The following IGF1R variants were observed in gnomAD, a reference collection of about 807,000 sequenced individuals.
The protein encoded by IGF1R is insulin like growth factor 1 receptor, also known as insulin-like growth factor 1 receptor.
IGF1R carries 44 observed loss-of-function variants against 144.6 expected under a neutral mutation model. The observed-to-expected ratio is 0.30, with a 90% confidence interval of 0.24 to 0.39. The LOEUF (loss-of-function observed/expected upper bound fraction) is 0.39, where lower values mean the gene tolerates loss of function less well. Among genes scored for constraint, IGF1R ranks in the 10% least tolerant of loss-of-function variants. The pLI, the probability that IGF1R is intolerant of heterozygous loss-of-function variation, is 1.00. For synonymous variants in IGF1R, 795 were observed against 722.8 expected, an observed-to-expected ratio of 1.10 and a Z score of -1.60; for missense variants, 1,355 against 1,833.7, an observed-to-expected ratio of 0.74 and a Z score of 4.77.
chr15:98,892,778 G>T (rs760794122), intron 3 of IGF1R, among the ~76,000 whole-genome samples: 1 of 152,104 alleles, frequency 6.6e-6, no homozygotes, highest in Non-Finnish European at 1.5e-5. Flanking sequence ...CACTTTGGGA[G>T]GCCAAGGTGG....
chr15:98,780,776 A>C lies in IGF1R; in HGVS notation c.640+72669A>C, dbSNP rs1310976487. ...GTTTAGATAGATAAGTGAATTGCTT[A>C]ATGTTTTTGGAAGTAATAAAACTGC... On this transcript the variant is annotated intron_variant, in intron 2 of 20. Transcript: ENST00000650285. Among the ~76,000 whole-genome samples the C allele has an allele frequency of 3.3e-5, 5 of 152,290 alleles. No individual in the cohort carries two copies. The East Asian group carries it at 9.6e-4, about 29-fold the overall frequency.
At chr15:98,892,331 C>T (rs1218548058) in intron 3 of IGF1R, among the ~76,000 whole-genome samples, 1 of 151,986 alleles carries the variant, frequency 6.6e-6, no homozygotes, top group Non-Finnish European at 1.5e-5. Flanking sequence ...GTGCTTGGAT[C>T]ACTTGAGGTC....
intron 2 of IGF1R, among the ~76,000 whole-genome samples, chr15:98,805,781 T>G (rs1308677731): frequency 1.3e-5 from 2 of 152,244 alleles, no homozygotes; most frequent in Non-Finnish European, 2.9e-5. Flanking sequence ...CATAAAGGAC[T>G]CTGAACTGTT....
At chr15:98,837,278 C>G (rs948940235) in intron 2 of IGF1R, among the ~76,000 whole-genome samples, 4 of 151,996 alleles carry the variant, frequency 2.6e-5, no homozygotes, top group African/African-American at 4.8e-5. Context: ...CTCGCTCAGT[C>G]GCCAGACTGG....
rs544417312 is a variant in IGF1R, at chr15:98,833,674, A to G, written c.641-57651A>G. 3.3e-5 allele frequency among the ~76,000 whole-genome samples: 5 copies of G among 152,242 alleles called. No individual in the cohort carries two copies. The East Asian group carries it at 7.7e-4, about 23-fold the overall frequency. ...TTAGGAAATGTCATGTAATAATAAC[A>G]CAGATACCCAAGCTTATATCACATA... On this transcript the variant is annotated intron_variant, in intron 2 of 20. Coordinates refer to ENST00000650285, the MANE Select transcript of IGF1R (RefSeq NM_000875.5).
chr15:98,885,816 A>ATT (rs3073979), intron 2 of IGF1R, among the ~76,000 whole-genome samples: 26,179 of 137,586 alleles, frequency 0.19, 3,184 homozygotes, highest in East Asian at 0.41. Flanking sequence ...TGAGTCTCCT[A>ATT]TTTTTTTTTT....
At chr15:98,731,558 C>T (rs1189171684) in intron 2 of IGF1R, among the ~76,000 whole-genome samples, 3 of 152,152 alleles carry the variant, frequency 2.0e-5, no homozygotes, top group Non-Finnish European at 2.9e-5. Flanking sequence ...AGGTAGTGCT[C>T]TTCAGCTCTG....
At chr15:98,953,891 C>T (rs2016874753) in intron 20 of IGF1R, among the ~76,000 whole-genome samples, 1 of 152,156 alleles carries the variant, frequency 6.6e-6, no homozygotes, top group South Asian at 2.1e-4. Context: ...AGGAAGGGCG[C>T]TCCTGCTCAG....
At chr15:98,689,927 G>A (rs1430547365) in intron 1 of IGF1R, among the ~76,000 whole-genome samples, 1 of 152,196 alleles carries the variant, frequency 6.6e-6, no homozygotes, top group African/African-American at 2.4e-5. Context: ...TGCCATCACA[G>A]CCCTAGAAGC....
At chr15:98,892,405 G>T (rs533091818) in intron 3 of IGF1R, among the ~76,000 whole-genome samples, 1 of 151,238 alleles carries the variant, frequency 6.6e-6, no homozygotes, top group African/African-American at 2.4e-5. Flanking sequence ...ACAAAAATTA[G>T]CACCTGTAGT....
At position 98,891,197 on chromosome 15, in the gene IGF1R, T is replaced by C. The variant is rs2013891219; in HGVS notation, c.641-128T>C. ...GAGGATTTCGTAGTGTGTTTTTGCA[T>C]TGTCTCCTCAATGAGTGATCTGGTG... On this transcript the variant is annotated intron_variant, in intron 2 of 20. Transcript: ENST00000650285. The surrounding 1 kb of genome is among the most constrained non-coding windows in gnomAD (Gnocchi z 4.7). 2 of 839,458 alleles carry C rather than the reference T, an allele frequency of 2.4e-6. No homozygotes were observed. Among genetic ancestry groups the C allele is most frequent in the Non-Finnish European group, 3.9e-6 (2 of 512,052 alleles). 52.0% of individuals were successfully genotyped at this position (839,458 alleles called of 1,614,324 possible).
chr15:98,699,157 C>T (rs1414949701), intron 1 of IGF1R, among the ~76,000 whole-genome samples: 5 of 152,308 alleles, frequency 3.3e-5, no homozygotes, highest in South Asian at 2.1e-4. Context: ...GGGCCTTGCC[C>T]CAGCTTGGCT....
At position 98,874,466 on chromosome 15, in the gene IGF1R, G is replaced by C. The variant is rs931706779; in HGVS notation, c.641-16859G>C. The stretch of plus-strand genomic sequence containing the variant: ...CAGTATTAAAGAAAATTTGCGGGTT[G>C]TTTGTCAAAAGGGGTCATATGCTTT... On this transcript the variant is annotated intron_variant, in intron 2 of 20. Transcript: ENST00000650285. 8.5e-5 allele frequency among the ~76,000 whole-genome samples: 13 copies of C among 152,292 alleles called. No individual in the cohort carries two copies. The South Asian group carries it at 1.9e-3, about 22-fold the overall frequency.
chr15:98,904,212 C>T (rs1009049835), intron 5 of IGF1R, among the ~76,000 whole-genome samples: 4 of 151,966 alleles, frequency 2.6e-5, no homozygotes, highest in Non-Finnish European at 5.9e-5. Context: ...CCACCACGCC[C>T]GACTAATTTT....
At chr15:98,682,385 G>A (rs1441194781) in intron 1 of IGF1R, among the ~76,000 whole-genome samples, 1 of 152,132 alleles carries the variant, frequency 6.6e-6, no homozygotes, top group Non-Finnish European at 1.5e-5. Flanking sequence ...AAGCATATCT[G>A]TGCTCCGAGA....
At chr15:98,801,197 T>G (rs2056355799) in intron 2 of IGF1R, among the ~76,000 whole-genome samples, 1 of 152,088 alleles carries the variant, frequency 6.6e-6, no homozygotes, top group African/African-American at 2.4e-5. Context: ...CCTGAGCACT[T>G]GTTAGGAGGT....
chr15:98,655,436 A>AT (rs1008651205), intron 1 of IGF1R, among the ~76,000 whole-genome samples: 1 of 151,696 alleles, frequency 6.6e-6, no homozygotes, highest in Non-Finnish European at 1.5e-5. Context: ...CTTATGTTTT[A>AT]TTTTCAAATC....
At chr15:98,776,946 C>G (rs895923719) in intron 2 of IGF1R, among the ~76,000 whole-genome samples, 5 of 152,222 alleles carry the variant, frequency 3.3e-5, no homozygotes, top group African/African-American at 1.2e-4. Flanking sequence ...AAATTCCTCA[C>G]TGAAGGGTTT....
At chr15:98,844,395 A>G (rs1159236604) in intron 2 of IGF1R, among the ~76,000 whole-genome samples, 3 of 152,222 alleles carry the variant, frequency 2.0e-5, no homozygotes, top group Admixed American at 2.0e-4. Context: ...ACATCTTTCT[A>G]TACCCTGAAG....
Sources: allele counts gnomAD v4.1 joint callset (sites outside exome capture counted in the v4.1 genomes callset), GRCh38; gene constraint gnomAD v4.1.1; non-coding constraint Gnocchi (gnomAD v3.1); transcripts MANE v1.5; gene names NCBI Gene and HGNC (gene_info 2026-07-23, HGNC 2026-07-21).